Variants in AIG1 observed in about 807,000 individuals in gnomAD.
AIG1 encodes the protein androgen induced 1, also known as androgen-induced gene 1 protein.
AIG1 carries 23 observed loss-of-function variants against 31.4 expected under a neutral mutation model. That is an observed-to-expected ratio of 0.73 (90% CI 0.53 to 1.04). AIG1 has a LOEUF of 1.04. AIG1 is among the 50% of genes least tolerant of loss of function. AIG1 has a pLI of 0.00. For synonymous variants in AIG1, 100 were observed against 110.5 expected (o/e 0.90, Z 0.60); for missense variants, 274 against 295.0 (o/e 0.93, Z 0.52).
At chr6:143,197,673 A>G (rs1270101752) in intron 3 of AIG1, among the ~76,000 whole-genome samples, 1 of 152,232 alleles carries the variant, frequency 6.6e-6, no homozygotes, top group East Asian at 1.9e-4. Flanking sequence ...CAGATCCTCT[A>G]GTCCCTTATT....
At chr6:143,271,104 G>A (rs970389024) in intron 3 of AIG1, among the ~76,000 whole-genome samples, 4 of 152,160 alleles carry the variant, frequency 2.6e-5, no homozygotes, top group Non-Finnish European at 4.4e-5. Flanking sequence ...ACCACACTCA[G>A]GCATGAGGCC....
At chr6:143,208,498 G>A (rs1187119179) in intron 3 of AIG1, among the ~76,000 whole-genome samples, 2 of 152,110 alleles carry the variant, frequency 1.3e-5, no homozygotes, top group Non-Finnish European at 2.9e-5. Flanking sequence ...GGGCAGGAAG[G>A]GTCAGTGATG....
intron 3 of AIG1, among the ~76,000 whole-genome samples, chr6:143,175,110 TAAG>T (rs1292281008): frequency 1.3e-5 from 2 of 152,208 alleles, no homozygotes; most frequent in African/African-American, 4.8e-5. Flanking sequence ...ATAATTGTGT[TAAG>T]GAGGCTAAAG....
intron 3 of AIG1, among the ~76,000 whole-genome samples, chr6:143,260,623 C>T (rs1795706711): frequency 1.3e-5 from 2 of 152,190 alleles, no homozygotes; most frequent in Admixed American, 1.3e-4. Context: ...TGAGCACTTA[C>T]CTTGTGCCAG....
chr6:143,174,859 G>A (rs1445307078), intron 3 of AIG1, among the ~76,000 whole-genome samples: 1 of 152,074 alleles, frequency 6.6e-6, no homozygotes, highest in Non-Finnish European at 1.5e-5. Flanking sequence ...GCTATTTGTT[G>A]CCTGAATACC....
chr6:143,171,431 A>T (rs560995014), intron 3 of AIG1, among the ~76,000 whole-genome samples: 3,168 of 94,754 alleles, frequency 0.033, 138 homozygotes, highest in African/African-American at 0.13. Flanking sequence ...TAATATATAT[A>T]ATATATATAT....
At position 143,074,212 on chromosome 6, in the gene AIG1, C is replaced by T. The variant is rs553370866; in HGVS notation, c.141+13146C>T. 5.3e-5 allele frequency among the ~76,000 whole-genome samples: 8 copies of T among 152,260 alleles called. No individual in the cohort carries two copies. In the South Asian group the frequency reaches 1.0e-3, roughly 20 times the overall value. ...AGTTGCCATTTGATTTCATTGTTTC[C>T]TTTGCTGTGCAAAAGACTTTTAGTT... is the stretch of plus-strand genomic sequence containing the variant. On this transcript the variant is annotated intron_variant, in intron 1 of 5. Coordinates refer to ENST00000357847, the MANE Select transcript of AIG1 (RefSeq NM_016108.4).
At chr6:143,079,081 GA>G (rs1053793260) in intron 1 of AIG1, among the ~76,000 whole-genome samples, 5 of 152,052 alleles carry the variant, frequency 3.3e-5, no homozygotes, top group African/African-American at 1.2e-4. Context: ...GGCAGCAGGA[GA>G]AAAGAGAGAG....
chr6:143,070,697 G>A (rs1218034829), intron 1 of AIG1, among the ~76,000 whole-genome samples: 1 of 152,130 alleles, frequency 6.6e-6, no homozygotes, highest in Non-Finnish European at 1.5e-5. Flanking sequence ...CCACTCTTGT[G>A]ATAACTAACT....
At chr6:143,224,428 A>G (rs1223324023) in intron 3 of AIG1, among the ~76,000 whole-genome samples, 1 of 152,204 alleles carries the variant, frequency 6.6e-6, no homozygotes, top group African/African-American at 2.4e-5. Context: ...CTCTTGGTCA[A>G]GTGCCATTAG....
chr6:143,144,254 A>G (rs1784532880), intron 2 of AIG1, among the ~76,000 whole-genome samples: 1 of 152,220 alleles, frequency 6.6e-6, no homozygotes, highest in Admixed American at 6.5e-5. Context: ...AAAGGACAGA[A>G]GTTCTTGTTA....
chr6:143,204,788 A>C (rs545090327), intron 3 of AIG1, among the ~76,000 whole-genome samples: 8 of 152,154 alleles, frequency 5.3e-5, no homozygotes, highest in Admixed American at 1.3e-4. Context: ...TGTCCACCTC[A>C]GAGATAAGGA....
chr6:143,120,576 C>G (rs1052148060), intron 1 of AIG1, among the ~76,000 whole-genome samples: 1 of 152,242 alleles, frequency 6.6e-6, no homozygotes, highest in African/African-American at 2.4e-5. Flanking sequence ...TTCACTATCA[C>G]GAGAACAGCA....
intron 4 of AIG1, among the ~76,000 whole-genome samples, chr6:143,321,570 G>A (rs1037067884): frequency 6.6e-5 from 10 of 151,844 alleles, no homozygotes; most frequent in Admixed American, 4.6e-4. Flanking sequence ...CAGCCTGGGC[G>A]ACAAGAGGAA....
chr6:143,315,577 A>G (rs1012008678), intron 4 of AIG1, among the ~76,000 whole-genome samples: 42 of 152,166 alleles, frequency 2.8e-4, no homozygotes, highest in Middle Eastern at 3.2e-3. Flanking sequence ...GAGAAAGGAC[A>G]TCTTTTTAAC....
Position 143,334,544 on chromosome 6 carries a change from T to C in AIG1, c.679+1099T>C, listed in dbSNP as rs951657241. On this transcript the variant is annotated intron_variant, in intron 5 of 5. Transcript: ENST00000357847. This position sits in a 1 kb window ranked among gnomAD's most constrained non-coding sequence, Gnocchi z 5.1. ...ATCAGCTTTTGATTTTAATCAATGT[T>C]CTATTAGAAAAAGTATCAACATTTT... Among the ~76,000 whole-genome samples, 9 of 152,264 alleles carry C rather than the reference T, an allele frequency of 5.9e-5. No individual in the cohort carries two copies. The highest frequency in any genetic ancestry group is 2.2e-4 in the African/African-American group (9 of 41,476).
At chr6:143,153,207 A>G (rs1220843587) in intron 2 of AIG1, among the ~76,000 whole-genome samples, 3 of 152,200 alleles carry the variant, frequency 2.0e-5, no homozygotes, top group African/African-American at 4.8e-5. Flanking sequence ...TGCGAGGTAC[A>G]AGGCAAGACC....
chr6:143,310,854 G>T (rs887720365), intron 4 of AIG1, among the ~76,000 whole-genome samples: 6 of 151,666 alleles, frequency 4.0e-5, no homozygotes, highest in Non-Finnish European at 4.4e-5. Flanking sequence ...AGATAAAATG[G>T]ATCAAGTCCT....
intron 4 of AIG1, among the ~76,000 whole-genome samples, chr6:143,314,432 C>G (rs907012619): frequency 6.6e-6 from 1 of 151,600 alleles, no homozygotes; most frequent in African/African-American, 2.4e-5. Context: ...GCAGACAATC[C>G]CAAATAATTA....
Sources: allele counts gnomAD v4.1 joint callset (sites outside exome capture counted in the v4.1 genomes callset), GRCh38; gene constraint gnomAD v4.1.1; non-coding constraint Gnocchi (gnomAD v3.1); transcripts MANE v1.5; gene names NCBI Gene and HGNC (gene_info 2026-07-23, HGNC 2026-07-21).